The following PLCZ1 variants were observed in gnomAD, a reference collection of about 807,000 sequenced individuals.
PLCZ1 encodes 1-phosphatidylinositol 4,5-bisphosphate phosphodiesterase zeta-1.
Under a neutral mutation model 76.8 loss-of-function variants are expected in PLCZ1, and 64 were observed. The ratio of observed to expected loss-of-function variants is 0.83; its 90% confidence interval spans 0.68 to 1.03. The LOEUF (loss-of-function observed/expected upper bound fraction) is 1.03, where lower values mean the gene tolerates loss of function less well. Among genes scored for constraint, PLCZ1 ranks in the 50% least tolerant of loss-of-function variants. The probability of loss-of-function intolerance (pLI) is 0.00; values close to 1 mark genes in which losing one functional copy is unlikely to be tolerated. For missense variants in PLCZ1, 751 were observed against 713.7 expected, an observed-to-expected ratio of 1.05 and a Z score of -0.60; for synonymous variants, 248 against 230.8, an observed-to-expected ratio of 1.07 and a Z score of -0.68.
chr12:18,675,427 T>C, the PLCZ1 span, among the ~76,000 whole-genome samples: 1 of 152,168 alleles, frequency 6.6e-6, no homozygotes, highest in Non-Finnish European at 1.5e-5. Flanking sequence ...GGTGGGAATG[T>C]AAATTAGTAC....
At chr12:18,711,870 G>A (rs1957387274) in intron 6 of PLCZ1, among the ~76,000 whole-genome samples, 1 of 152,030 alleles carries the variant, frequency 6.6e-6, no homozygotes, top group South Asian at 2.1e-4. Flanking sequence ...TACATGTTTA[G>A]GAGAATCAGT....
the PLCZ1 span, among the ~76,000 whole-genome samples, chr12:18,665,934 C>CA: frequency 0.41 from 53,117 of 128,192 alleles, 11,603 homozygotes; most frequent in South Asian, 0.6. Flanking sequence ...GACTCCATCT[C>CA]AAAAAAAAAA....
At chr12:18,691,572 G>C (rs1565660583) in intron 12 of PLCZ1, among the ~76,000 whole-genome samples, 2 of 152,208 alleles carry the variant, frequency 1.3e-5, no homozygotes, top group Middle Eastern at 3.4e-3. Context: ...TGGAAGGTAG[G>C]GGGTAAAAGG....
At chr12:18,704,429 G>A (rs112173949) in intron 7 of PLCZ1, among the ~76,000 whole-genome samples, 2,194 of 152,174 alleles carry the variant, frequency 0.014, 44 homozygotes, top group African/African-American at 0.05. Flanking sequence ...GGGTTCAAGC[G>A]ATTCTCCTGC....
rs1209498817 is a variant in PLCZ1 at position 18,727,065 on chromosome 12, G to A, written c.136-3523C>T. Among the ~76,000 whole-genome samples the A allele has an allele frequency of 2.6e-5, 4 of 152,212 alleles. No individual in the cohort carries two copies. In the East Asian group the frequency reaches 7.7e-4, roughly 29 times the overall value. ...CAGGTGCCGAAATATAATCTTTGTAGCTGAGCACAATGGCTCATGCCTGCA... is the reference window on the plus strand; with the variant it reads ...CAGGTGCCGAAATATAATCTTTGTAACTGAGCACAATGGCTCATGCCTGCA... On this transcript the variant is annotated intron_variant, in intron 3 of 14. Coordinates refer to ENST00000266505, the MANE Select transcript of PLCZ1 (RefSeq NM_033123.4).
the PLCZ1 span, among the ~76,000 whole-genome samples, chr12:18,667,134 T>G: frequency 6.6e-6 from 1 of 152,164 alleles, no homozygotes; most frequent in Non-Finnish European, 1.5e-5. Flanking sequence ...TTCAGTATAT[T>G]GAAAGGGGTC....
intron 3 of PLCZ1, among the ~76,000 whole-genome samples, chr12:18,732,780 T>C (rs1208969156): frequency 6.6e-6 from 1 of 152,240 alleles, no homozygotes; most frequent in Non-Finnish European, 1.5e-5. Flanking sequence ...TTTACCCATG[T>C]TGTCACAAAT....
At chr12:18,700,512 C>CAAAAAAAAAAAAAAAAAAAAAAAAAAAA (rs11324526) in intron 9 of PLCZ1, among the ~76,000 whole-genome samples, 1 of 67,896 alleles carries the variant, frequency 1.5e-5, no homozygotes, top group Admixed American at 2.5e-4. Context: ...AGCCAACGTA[C>CAAAAAAAAAAAAAAAAAAAAAAAAAAAA]AAAAAAAAAA....
intron 2 of PLCZ1, chr12:18,736,716 T>G: frequency 7.8e-7 from 1 of 1,283,004 alleles, no homozygotes; most frequent in Non-Finnish European, 1.0e-6. Context: ...TTTAGTTCTC[T>G]CTTCCAGAAA....
chr12:18,736,519 A>G (rs1220394283), intron 2 of PLCZ1, among the ~76,000 whole-genome samples, 175 bp from the exon 3 acceptor site: 2 of 152,216 alleles, frequency 1.3e-5, no homozygotes, highest in Admixed American at 1.3e-4. Context: ...AGTAGTTACT[A>G]TGCTATGGTA....
At chr12:18,688,333 C>G in intron 12 of PLCZ1, 115 bp from the exon 13 acceptor site, 1 of 1,089,144 alleles carries the variant, frequency 9.2e-7, no homozygotes, top group East Asian at 2.5e-5. Context: ...TCAGCTCCCA[C>G]AAACATTGAA....
At chr12:18,659,594 T>G in the PLCZ1 span, among the ~76,000 whole-genome samples, 1 of 152,024 alleles carries the variant, frequency 6.6e-6, no homozygotes, top group African/African-American at 2.4e-5. Flanking sequence ...GATATCCACA[T>G]TAGAATCACA....
In PLCZ1 at chr12:18,696,275, GAATA is replaced by G. The variant is rs1565672173; in HGVS notation, c.1175-13_1175-10del. The G allele has an allele frequency of 7.7e-7, 1 of 1,297,164 alleles. No individual in the cohort carries two copies. The highest frequency in any genetic ancestry group is 1.1e-6 in the Non-Finnish European group (1 of 929,320). 80.4% of individuals were successfully genotyped at this position (1,297,164 alleles called of 1,614,324 possible). On this transcript the variant is annotated splice_polypyrimidine_tract_variant and intron_variant, in intron 10 of 14. Transcript: ENST00000266505. ...AAAAATAAACTCATGGACTGAAAAA[GAATA>G]ATTAAAACATTGTGAAAGAATTCAA...
At chr12:18,726,964 G>A (rs1203170881) in intron 3 of PLCZ1, among the ~76,000 whole-genome samples, 2 of 152,006 alleles carry the variant, frequency 1.3e-5, no homozygotes, top group Non-Finnish European at 2.9e-5. Context: ...TGGGTAACAA[G>A]GATGCAAAAG....
chr12:18,693,469 T>G (rs1395313470), intron 12 of PLCZ1: 1 of 1,606,680 alleles, frequency 6.2e-7, no homozygotes, highest in Non-Finnish European at 8.5e-7. Context: ...CTGGCACAGG[T>G]AAAACCTTGT....
intron 4 of PLCZ1, among the ~76,000 whole-genome samples, chr12:18,720,821 CAAATT>C (rs1159936111): frequency 6.6e-6 from 1 of 151,730 alleles, no homozygotes; most frequent in African/African-American, 2.4e-5. Context: ...GGGGAATAAA[CAAATT>C]AAAGCTCAAA....
At chr12:18,695,869 G>A (rs185011948) in intron 11 of PLCZ1, among the ~76,000 whole-genome samples, 148 of 152,102 alleles carry the variant, frequency 9.7e-4, no homozygotes, top group African/African-American at 3.4e-3. Context: ...ATGTCCATTT[G>A]GGTTTCCTTG....
At chr12:18,715,070 G>C (rs958729251) in intron 5 of PLCZ1, among the ~76,000 whole-genome samples, 9 of 150,784 alleles carry the variant, frequency 6.0e-5, no homozygotes, top group African/African-American at 2.2e-4. Context: ...GACCCAAGAA[G>C]TACTTAGGTA....
At chr12:18,691,355 C>A (rs994981654) in intron 12 of PLCZ1, among the ~76,000 whole-genome samples, 4 of 152,088 alleles carry the variant, frequency 2.6e-5, no homozygotes, top group Non-Finnish European at 5.9e-5. Context: ...GGTAAGGATG[C>A]TCAGTGAGCT....
Sources: gnomAD v4.1 joint callset for allele counts (sites outside exome capture counted in the v4.1 genomes callset) on GRCh38, gnomAD v4.1.1 for gene constraint, MANE v1.5 for transcripts, NCBI Gene and HGNC (gene_info 2026-07-23, HGNC 2026-07-21) for gene names.